Variants in ANGEL1 observed in about 807,000 individuals in gnomAD.
The protein encoded by ANGEL1 is RNA 2',3'-cyclic phosphatase ANGEL1.
A neutral mutation model predicts 76.4 loss-of-function variants in ANGEL1; 62 were observed. That is an observed-to-expected ratio of 0.81 (90% CI 0.66 to 1.00). The LOEUF is 1.00. Among genes scored for constraint, ANGEL1 ranks in the 50% least tolerant of loss-of-function variants. The pLI is 0.00. For missense variants in ANGEL1, 737 were observed against 836.7 expected (o/e 0.88, Z 1.47); for synonymous variants, 340 against 331.7 (o/e 1.03, Z -0.27).
chr14:76,791,273 C>T lies in ANGEL1; in HGVS notation c.1688+24G>A, dbSNP rs1406263405. The T allele has an allele frequency of 2.5e-6, 4 of 1,613,438 alleles. No individual in the cohort carries two copies. The Admixed American group carries it at 5.0e-5, about 20-fold the overall frequency. On this transcript the variant is annotated intron_variant, in intron 8 of 9. Coordinates refer to ENST00000251089, the MANE Select transcript of ANGEL1 (RefSeq NM_015305.4). Reference sequence around the variant, plus strand: ...ACCTAGGCAAGGGCTGGATTGAAAACAGAAGAGAACTGGAGAAGGTTACCT... The same window carrying T: ...ACCTAGGCAAGGGCTGGATTGAAAATAGAAGAGAACTGGAGAAGGTTACCT...
intron 1 of ANGEL1, among the ~76,000 whole-genome samples, chr14:76,809,862 A>G (rs1053603292): frequency 3.9e-5 from 6 of 152,252 alleles, no homozygotes; most frequent in Admixed American, 1.3e-4. Flanking sequence ...GTGTTGACTA[A>G]TTTATATGGC....
At position 76,809,190 on chromosome 14, in the gene ANGEL1, T is replaced by C; in HGVS notation, c.518A>G (p.Gln173Arg). Residue 173 changes from glutamine (Q) to arginine (R), a missense_variant, in exon 2 of 10, where the codon CAG (glutamine) becomes CGG (arginine). Physicochemically the swap from Gln to Arg is conservative, Grantham distance 43. Coordinates refer to ENST00000251089, the MANE Select transcript of ANGEL1 (RefSeq NM_015305.4). ...ALPVGALATEQWEEDPAVLAW... is the reference protein window; with the variant it reads ...ALPVGALATERWEEDPAVLAW... ...CAACACCGCTGGGTCCTCTTCCCAC[T>C]GCTCTGTGGCCAGGGCACCCACTGG... 6.2e-7 allele frequency: 1 copy of C among 1,613,848 alleles called. No individual in the cohort carries two copies. The highest frequency in any genetic ancestry group is 8.5e-7 in the Non-Finnish European group (1 of 1,179,866).
chr14:76,801,030 A>G (rs755664743), intron 7 of ANGEL1, among the ~76,000 whole-genome samples: 6 of 151,940 alleles, frequency 3.9e-5, no homozygotes, highest in African/African-American at 9.7e-5. Context: ...AAGTACCTCA[A>G]TCTTTTAACT....
At chr14:76,799,080 C>T (rs188011377) in intron 7 of ANGEL1, among the ~76,000 whole-genome samples, 41 of 152,086 alleles carry the variant, frequency 2.7e-4, no homozygotes, top group African/African-American at 9.4e-4. Flanking sequence ...ACCATCACTA[C>T]CTAGCACTGA....
intron 1 of ANGEL1, chr14:76,812,362 C>T (rs1031586786): frequency 3.9e-6 from 4 of 1,038,856 alleles, no homozygotes; most frequent in African/African-American, 3.4e-5. Flanking sequence ...GCCGACCCGC[C>T]TCGCCCGCTG....
intron 7 of ANGEL1, among the ~76,000 whole-genome samples, chr14:76,798,131 G>GT (rs72104535): frequency 1.3e-3 from 67 of 50,642 alleles, no homozygotes; most frequent in Admixed American, 3.1e-3. Flanking sequence ...CAGTGCCTTT[G>GT]TTTTTTTTTT....
Position 76,809,470 on chromosome 14 carries a change from G to GCC in ANGEL1, c.236_237dup (p.Pro80GlyfsTer4). The GCC allele has an allele frequency of 1.9e-6, 3 of 1,614,178 alleles. No homozygotes were observed. The highest frequency in any genetic ancestry group is 2.5e-6 in the Non-Finnish European group (3 of 1,180,028). ...TGGGCTAGTCCTTTATCTATAAGGG[G>GCC]CCCCTCACTTGCAGTTGAGAGCACC... On this transcript the variant is annotated frameshift_variant, in exon 2 of 10. Transcript: ENST00000251089. LOFTEE classifies it high-confidence loss of function.
intron 5 of ANGEL1, chr14:76,804,424 G>A (rs952025353): frequency 2.3e-5 from 23 of 997,406 alleles, no homozygotes; most frequent in East Asian, 1.1e-4. Flanking sequence ...GCCTGGGAAC[G>A]GACAAAACGT....
At chr14:76,791,824 A>G (rs1894414818) in intron 7 of ANGEL1, among the ~76,000 whole-genome samples, 1 of 152,220 alleles carries the variant, frequency 6.6e-6, no homozygotes, top group Non-Finnish European at 1.5e-5. Flanking sequence ...GTATGCATAC[A>G]TGTATATATA....
At chr14:76,793,558 T>TG (rs1401169691) in intron 7 of ANGEL1, among the ~76,000 whole-genome samples, 42 of 192 alleles carry the variant, frequency 0.22, no homozygotes, top group African/African-American at 0.33. Flanking sequence ...GTTTTTTTGG[T>TG]TTTTTTTTTT....
chr14:76,812,547 G>A (rs888905615), intron 1 of ANGEL1: 2 of 1,246,180 alleles, frequency 1.6e-6, no homozygotes, highest in Non-Finnish European at 1.0e-6. Context: ...CAGGCGGGAG[G>A]AGGGGCCGCC....
chr14:76,793,452 G>A (rs1264292932), intron 7 of ANGEL1, among the ~76,000 whole-genome samples: 2 of 130,276 alleles, frequency 1.5e-5, no homozygotes, highest in Non-Finnish European at 3.3e-5. Flanking sequence ...GGGAGGAGAA[G>A]GAAGAAGAGG....
intron 7 of ANGEL1, among the ~76,000 whole-genome samples, chr14:76,794,863 A>C (rs925129213): frequency 2.6e-5 from 4 of 152,116 alleles, no homozygotes; most frequent in African/African-American, 9.7e-5. Flanking sequence ...TCTACCTTCC[A>C]GAATTATCTT....
intron 5 of ANGEL1, 40 bp from the exon 6 acceptor site, chr14:76,803,952 T>C (rs773284167): frequency 1.1e-5 from 18 of 1,613,806 alleles, no homozygotes; most frequent in East Asian, 2.2e-5. Flanking sequence ...GAAACCAAGA[T>C]AGAAAAAGGA....
intron 5 of ANGEL1, chr14:76,804,254 G>C: frequency 1.5e-6 from 2 of 1,355,442 alleles, no homozygotes; most frequent in South Asian, 3.5e-5. Flanking sequence ...GGGGCTTTAA[G>C]TTGCAATGGT....
chr14:76,809,758 G>C, intron 1 of ANGEL1, 115 bp from the exon 2 acceptor site: 1 of 842,894 alleles, frequency 1.2e-6, no homozygotes, highest in Non-Finnish European at 1.9e-6. Context: ...GCTCATCATT[G>C]TACCATCACT....
At position 76,803,397 on chromosome 14, in the gene ANGEL1, A is replaced by G. The variant is rs770726245; in HGVS notation, c.1592T>C (p.Met531Thr). Residue 531 changes from methionine to threonine, a missense_variant, in exon 7 of 10, where the codon ATG becomes ACG. By Grantham distance (81) the Met-to-Thr change is moderately conservative (BLOSUM62 -1). Coordinates refer to ENST00000251089, the MANE Select transcript of ANGEL1 (RefSeq NM_015305.4). ...ACQRPVGLVLMEGVTDTKPER... is the reference protein window; with the variant it reads ...ACQRPVGLVLTEGVTDTKPER... ...TGGCTTAGTATCTGTCACTCCTTCC[A>G]TAAGGACCAGTCCTACTGGTCGCTG... The G allele has an allele frequency of 6.2e-6, 10 of 1,614,226 alleles. No homozygotes were observed. The highest frequency in any genetic ancestry group is 5.0e-5 in the Admixed American group (3 of 60,032).
chr14:76,800,307 A>C (rs1894723181), intron 7 of ANGEL1, among the ~76,000 whole-genome samples: 1 of 152,244 alleles, frequency 6.6e-6, no homozygotes. Context: ...CCTGACTGAC[A>C]CAGAATTTAC....
At chr14:76,793,360 GAAAGA>G (rs1188487337) in intron 7 of ANGEL1, among the ~76,000 whole-genome samples, 1 of 112,376 alleles carries the variant, frequency 8.9e-6, no homozygotes, top group Admixed American at 9.2e-5. Context: ...GAGGAGAGGA[GAAAGA>G]GGAGAGGGGA....
Sources: allele counts gnomAD v4.1 joint callset (sites outside exome capture counted in the v4.1 genomes callset), GRCh38; gene constraint gnomAD v4.1.1; transcripts MANE v1.5; gene names NCBI Gene and HGNC (gene_info 2026-07-23, HGNC 2026-07-21).